ANKMY1: variants seen among roughly 807,000 people sequenced by gnomAD.
The protein encoded by ANKMY1 is ankyrin repeat and MYND domain containing 1, also known as ankyrin repeat and MYND domain-containing protein 1.
Under a neutral mutation model 102.0 loss-of-function variants are expected in ANKMY1, and 98 were observed. The observed-to-expected ratio is 0.96, with a 90% CI of 0.82 to 1.14. The LOEUF is 1.14. Ranked by LOEUF, ANKMY1 falls within the 50% of genes most tolerant of loss-of-function variation. The pLI is 0.00. For missense variants in ANKMY1, 1,330 were observed against 1,347.6 expected (o/e 0.99, Z 0.20); for synonymous variants, 582 against 559.9 (o/e 1.04, Z -0.56).
downstream of ANKMY1, among the ~76,000 whole-genome samples, chr2:240,478,649 C>G (rs1014353284): frequency 3.3e-5 from 5 of 152,120 alleles, no homozygotes; most frequent in African/African-American, 7.2e-5. Context: ...TCACTGCTGA[C>G]CCCTTACAGA....
chr2:240,488,605 G>A (rs2076311914), intron 15 of ANKMY1, among the ~76,000 whole-genome samples: 1 of 152,240 alleles, frequency 6.6e-6, no homozygotes, highest in East Asian at 1.9e-4. Context: ...CCATGAACAT[G>A]GGATGTCTTT....
At chr2:240,507,717 A>G (rs770686911) in intron 12 of ANKMY1, 26 bp from the exon 13 acceptor site, 2 of 1,572,008 alleles carry the variant, frequency 1.3e-6, no homozygotes, top group Admixed American at 3.5e-5. Context: ...CAGTCTCATC[A>G]GTGGCCACCA....
the ANKMY1 span, among the ~76,000 whole-genome samples, chr2:240,473,274 CA>C: frequency 6.8e-6 from 1 of 146,910 alleles, no homozygotes; most frequent in Non-Finnish European, 1.5e-5. Context: ...CTGAGACAAC[CA>C]AAAAAATAAG....
At chr2:240,503,298 G>C (rs2078525696) in intron 13 of ANKMY1, among the ~76,000 whole-genome samples, 1 of 152,202 alleles carries the variant, frequency 6.6e-6, no homozygotes, top group Non-Finnish European at 1.5e-5. Context: ...CCCAGTGAGA[G>C]GAGCTAGAAA....
chr2:240,510,987 C>G (rs2080070860), intron 11 of ANKMY1, among the ~76,000 whole-genome samples: 1 of 152,088 alleles, frequency 6.6e-6, no homozygotes, highest in Admixed American at 6.5e-5. Context: ...TCCTGCCACC[C>G]TTCAGGTGGT....
chr2:240,481,062 C>G lies in ANKMY1; in HGVS notation c.2921G>C (p.Arg974Pro), dbSNP rs748134301. 2 of 1,612,474 alleles carry G rather than the reference C, an allele frequency of 1.2e-6. No homozygotes were observed. The highest frequency in any genetic ancestry group is 1.7e-5 in the Admixed American group (1 of 59,918). ...PFFKFCYQCGRSIGVRLLPCP... is the reference protein window; with the variant it reads ...PFFKFCYQCGPSIGVRLLPCP... The stretch of plus-strand genomic sequence containing the variant: ...GGGCAAGAGGCGGACCCCGATGGAG[C>G]GGCCACACTGGTAGCAGAACTTGAA... Residue 974 changes from arginine to proline, a missense_variant, in exon 17 of 18, where the codon CGC becomes CCC. Coordinates refer to ENST00000401804, the MANE Select transcript of ANKMY1 (RefSeq NM_001282771.3).
intron 8 of ANKMY1, chr2:240,523,070 T>C (rs2082621283): frequency 6.6e-6 from 1 of 152,190 alleles, no homozygotes; most frequent in Non-Finnish European, 1.5e-5. Context: ...GAAGCGCTTC[T>C]TGCGGGGAAG....
chr2:240,553,549 G>A (rs2091895574), intron 3 of ANKMY1: 1 of 161,242 alleles, frequency 6.2e-6, no homozygotes, highest in South Asian at 1.7e-4. Flanking sequence ...CAAACAACAG[G>A]AGTGAGTGTA....
In ANKMY1 at chr2:240,520,239, C is replaced by T. The variant is rs915061527; in HGVS notation, c.2004+123G>A. The T allele has an allele frequency of 5.7e-6, 8 of 1,407,124 alleles. No homozygotes were observed. Among genetic ancestry groups the T allele is most frequent in the African/African-American group, 2.9e-5 (2 of 70,048 alleles). The allele number at this position is 1,407,124 out of a possible 1,614,324, so 87.2% of individuals were successfully genotyped here. A position where few individuals can be genotyped will look rare whatever the true frequency, so the allele number is the denominator to read the frequency against. On this transcript the variant is annotated intron_variant, in intron 9 of 17. Transcript: ENST00000401804. The surrounding 1 kb of genome is among the most constrained non-coding windows in gnomAD (Gnocchi z 4.8). ...TGCGGCGCGCCGTCATCACTCACAG[C>T]CCAGGTGGTCGCCTGCAAGAGCCCA...
chr2:240,524,088 T>G lies in ANKMY1; in HGVS notation c.1629A>C (p.Gly543=). The G allele has an allele frequency of 6.2e-7, 1 of 1,614,088 alleles. No homozygotes were observed. The highest frequency in any genetic ancestry group is 1.7e-5 in the Admixed American group (1 of 60,026). Residue 543 remains glycine (G), a synonymous_variant, in exon 8 of 18, where the codon GGA becomes GGC. Transcript: ENST00000401804. ...HVESGLEDVL[G]NTDRGSLCSA... Reference sequence around the variant, plus strand: ...TGCACAGACTGCCCCGGTCTGTGTTTCCCAACACGTCCTCAAGCCCGCTTT... The same window carrying G: ...TGCACAGACTGCCCCGGTCTGTGTTGCCCAACACGTCCTCAAGCCCGCTTT...
upstream of ANKMY1, chr2:240,560,065 G>C (rs1029608655): frequency 6.6e-6 from 1 of 152,362 alleles, no homozygotes; most frequent in Admixed American, 6.5e-5. Context: ...GGTCTATGAA[G>C]AAGTGATGAA....
intron 4 of ANKMY1, among the ~76,000 whole-genome samples, chr2:240,540,405 C>T (rs1395535574): frequency 2.0e-5 from 3 of 152,228 alleles, no homozygotes; most frequent in Non-Finnish European, 4.4e-5. Flanking sequence ...GAAATTGACC[C>T]TTCTGGTCTT....
In ANKMY1 at chr2:240,529,382, G is replaced by C; in HGVS notation, c.608C>G (p.Ser203Cys). Residue 203 changes from serine (S) to cysteine (C), a missense_variant, in exon 5 of 18, where the codon TCC (serine) becomes TGC (cysteine). Coordinates refer to ENST00000401804, the MANE Select transcript of ANKMY1 (RefSeq NM_001282771.3). The surrounding 1 kb of genome is among the most constrained non-coding windows in gnomAD (Gnocchi z 4.2). ...GGAGAACTCAGGGTATCTGAGGAGG[G>C]AGAAGCCACTGGGGATCTGGGTGCA... ...KLCTQIPSGF[S>C]LLRYPEFSSF... is the part of the protein sequence containing the mutation. 1.2e-6 allele frequency: 2 copies of C among 1,614,172 alleles called. No individual in the cohort carries two copies. Among genetic ancestry groups the C allele is most frequent in the South Asian group, 1.1e-5 (1 of 91,090 alleles).
chr2:240,513,577 G>T (rs2080649661), intron 9 of ANKMY1, among the ~76,000 whole-genome samples: 1 of 152,264 alleles, frequency 6.6e-6, no homozygotes, highest in African/African-American at 2.4e-5. Flanking sequence ...GACCCCTGAG[G>T]GGGAGACAGG....
Position 240,523,887 on chromosome 2 carries a change from G to A in ANKMY1, c.1830C>T (p.Ile610=), listed in dbSNP as rs139230988. The A allele has an allele frequency of 3.5e-4, 566 of 1,609,362 alleles. 1 individual carries two copies. Among genetic ancestry groups the A allele is most frequent in the Middle Eastern group, 2.6e-3 (16 of 6,040 alleles). ...CACCAGCTGGTGCCAGGACCTACTC[G>A]ATCATGGACAGCGCCATCCTCCGCA... ...GTMRRMALSM[I]ERRKRWRTIK... Residue 610 remains isoleucine, a splice_region_variant and synonymous_variant, in exon 8 of 18, where the codon ATC becomes ATT. Transcript: ENST00000401804.
At chr2:240,515,867 G>A (rs1442013823) in intron 9 of ANKMY1, among the ~76,000 whole-genome samples, 10 of 149,624 alleles carry the variant, frequency 6.7e-5, no homozygotes, top group East Asian at 6.2e-4. Flanking sequence ...ACAGGCACCC[G>A]CCACCATGCC....
intron 15 of ANKMY1, among the ~76,000 whole-genome samples, chr2:240,486,483 A>G (rs1333572530): frequency 6.6e-6 from 1 of 152,202 alleles, no homozygotes; most frequent in Admixed American, 6.5e-5. Flanking sequence ...GTATCATTTA[A>G]TTCCTACCTT....
intron 13 of ANKMY1, among the ~76,000 whole-genome samples, chr2:240,501,114 G>A (rs1048406491): frequency 6.6e-6 from 1 of 151,782 alleles, no homozygotes; most frequent in Admixed American, 6.6e-5. Flanking sequence ...GTGTGGATAT[G>A]TGTGTGTGTG....
chr2:240,509,356 T>C lies in ANKMY1; in HGVS notation c.2386A>G (p.Asn796Asp), dbSNP rs769448136. The change falls in exon 12 of 18, where the codon AAT becomes GAT. Residue 796 changes from asparagine to aspartate, a missense_variant. Physicochemically the swap from Asn to Asp is conservative, Grantham distance 23. Coordinates refer to ENST00000401804, the MANE Select transcript of ANKMY1 (RefSeq NM_001282771.3). ...SPLSLSIASG[N>D]ELVVKELLTQ... ...GTACAGAACATGCTCACCAGCTCAT[T>C]CCCACTGGCAATGGACAGGGAGAGC... 2 of 1,612,936 alleles carry C rather than the reference T, an allele frequency of 1.2e-6. No homozygotes were observed. The highest frequency in any genetic ancestry group is 4.5e-5 in the East Asian group (2 of 44,872).
Sources: allele counts gnomAD v4.1 joint callset (sites outside exome capture counted in the v4.1 genomes callset), GRCh38; gene constraint gnomAD v4.1.1; non-coding constraint Gnocchi (gnomAD v3.1); transcripts MANE v1.5; gene names NCBI Gene and HGNC (gene_info 2026-07-23, HGNC 2026-07-21).